Variants in L3MBTL1 observed in about 807,000 individuals in gnomAD.
L3MBTL1 encodes the protein lethal(3)malignant brain tumor-like protein 1.
L3MBTL1 carries 75 observed loss-of-function variants against 105.3 expected under a neutral mutation model. The ratio of observed to expected loss-of-function variants is 0.71; its 90% CI spans 0.59 to 0.86. The LOEUF (loss-of-function observed/expected upper bound fraction) is 0.86. L3MBTL1 is among the 40% of genes least tolerant of loss of function. L3MBTL1 has a pLI of 0.00. For missense variants in L3MBTL1, 1,069 were observed against 1,126.4 expected, an observed-to-expected ratio of 0.95 and a Z score of 0.73; for synonymous variants, 452 against 436.2, an observed-to-expected ratio of 1.04 and a Z score of -0.45.
Position 43,516,115 on chromosome 20 carries a change from A to G in L3MBTL1, c.800A>G (p.Asp267Gly), listed in dbSNP as rs1172908319. The G allele has an allele frequency of 1.9e-6, 3 of 1,613,938 alleles. No homozygotes were observed. The highest frequency in any genetic ancestry group is 8.5e-7 in the Non-Finnish European group (1 of 1,179,944). ...CAGGAGAAGCAAGAAGAAGGAAAGGACCCAGAGGGACAACCCACTGCTAGC... is the reference window on the plus strand; with the variant it reads ...CAGGAGAAGCAAGAAGAAGGAAAGGGCCCAGAGGGACAACCCACTGCTAGC... ...EAMEKQEEGK[D>G]PEGQPTASTP... Residue 267 changes from aspartate to glycine, a missense_variant, in exon 7 of 22, where the codon GAC becomes GGC. Asp to Gly is a moderately conservative substitution (Grantham distance 94). Coordinates refer to ENST00000418998, the MANE Select transcript of L3MBTL1 (RefSeq NM_001377303.1).
chr20:43,530,990 G>A (rs1185736544), intron 11 of L3MBTL1, 101 bp downstream of exon 11: 3 of 940,274 alleles, frequency 3.2e-6, no homozygotes, highest in South Asian at 1.7e-5. Flanking sequence ...TCATGTGCTG[G>A]TTCTCTCAGC....
Position 43,541,852 on chromosome 20 carries a change from G to T in L3MBTL1, c.*724G>T. On this transcript the variant is annotated 3_prime_UTR_variant, in exon 22 of 22. Coordinates refer to ENST00000418998, the MANE Select transcript of L3MBTL1 (RefSeq NM_001377303.1). ...TCCAATCACTTTACCTATACAAAAT[G>T]ACTGCTATGGTGGGAACACAATAAA... The T allele has an allele frequency of 2.0e-6, 2 of 985,304 alleles. No individual in the cohort carries two copies. The highest frequency in any genetic ancestry group is 2.4e-6 in the Non-Finnish European group (2 of 829,842). The allele number at this position is 985,304 out of a possible 1,614,324, so 61.0% of individuals were successfully genotyped here. A position where few individuals can be genotyped will look rare whatever the true frequency, so the allele number is the denominator to read the frequency against.
At chr20:43,545,564 C>T (rs1978540132), downstream of L3MBTL1, among the ~76,000 whole-genome samples, 1 of 152,150 alleles carries the variant, frequency 6.6e-6, no homozygotes, top group Non-Finnish European at 1.5e-5. Flanking sequence ...TCCAGTGCTT[C>T]CCCATCGAGG....
Position 43,534,875 on chromosome 20 carries a change from T to C in L3MBTL1, c.1758T>C (p.Ala586=), listed in dbSNP as rs1600948887. The C allele has an allele frequency of 6.2e-7, 1 of 1,610,738 alleles. No individual in the cohort carries two copies. Among genetic ancestry groups the C allele is most frequent in the Non-Finnish European group, 8.5e-7 (1 of 1,179,782 alleles). Residue 586 remains alanine, a synonymous_variant, in exon 16 of 22, where the codon GCT becomes GCC. Transcript: ENST00000418998. ...WSHGYDFWID[A]DHPDIHPAGW... ...ATGGCTATGATTTCTGGATCGACGC[T>C]GACCACCCAGACATCCACCCTGCCG...
rs186155978 is a variant in L3MBTL1 at position 43,527,538 on chromosome 20, A to G, written c.863-1119A>G. On this transcript the variant is annotated intron_variant, in intron 7 of 21. Coordinates refer to ENST00000418998, the MANE Select transcript of L3MBTL1 (RefSeq NM_001377303.1). ...AGGACCTGGGCTGTAGGTCCTGACC[A>G]TAGTGTATGTGTGTTAGTGTATGTG... Among the ~76,000 whole-genome samples the G allele has an allele frequency of 2.3e-3, 340 of 146,442 alleles. 1 individual carries two copies. Among genetic ancestry groups the G allele is most frequent in the Non-Finnish European group, 4.2e-3 (278 of 66,104 alleles).
chr20:43,526,534 C>T (rs1321362900), intron 7 of L3MBTL1, among the ~76,000 whole-genome samples: 1 of 152,158 alleles, frequency 6.6e-6, no homozygotes, highest in Non-Finnish European at 1.5e-5. Flanking sequence ...TTGGTTTCCG[C>T]GTAGGTCCTT....
chr20:43,515,054 C>T lies in L3MBTL1; in HGVS notation c.548C>T (p.Pro183Leu), dbSNP rs145308329. ...CCAGAAGATCCCAATCAGGACCCCC[C>T]AGAGGATGATAGCACCTGTCAGTGC... ...NPPEDPNQDP[P>L]EDDSTCQCQA... The change falls in exon 5 of 22, where the codon CCA (proline) becomes CTA (leucine). Residue 183 changes from proline to leucine, a missense_variant. Coordinates refer to ENST00000418998, the MANE Select transcript of L3MBTL1 (RefSeq NM_001377303.1). 1.1e-3 allele frequency: 1,704 copies of T among 1,614,014 alleles called. 3 individuals are homozygous for T. The highest frequency in any genetic ancestry group is 1.3e-3 in the Non-Finnish European group (1,549 of 1,179,966).
chr20:43,510,224 C>T (rs555609332), intron 1 of L3MBTL1, among the ~76,000 whole-genome samples: 355 of 151,780 alleles, frequency 2.3e-3, no homozygotes, highest in African/African-American at 7.4e-3. Context: ...GTCTCCAACT[C>T]CTGAGCTCAA....
At chr20:43,519,594 C>T (rs1427707098) in intron 7 of L3MBTL1, among the ~76,000 whole-genome samples, 1 of 152,198 alleles carries the variant, frequency 6.6e-6, no homozygotes, top group African/African-American at 2.4e-5. Context: ...TGAGATCGTG[C>T]CATTGCACTC....
Position 43,524,243 on chromosome 20 carries a change from C to A in L3MBTL1, c.863-4414C>A, listed in dbSNP as rs1356660620. ...ATTTTTAAATTTCATTAATTTTAGC[C>A]ATCCTCCTTTTCTAATATGTTTATT... is the stretch of plus-strand genomic sequence containing the variant. On this transcript the variant is annotated intron_variant, in intron 7 of 21. Coordinates refer to ENST00000418998, the MANE Select transcript of L3MBTL1 (RefSeq NM_001377303.1). Among the ~76,000 whole-genome samples the A allele has an allele frequency of 7.9e-5, 12 of 152,108 alleles. No homozygotes were observed. The East Asian group carries it at 2.3e-3, about 29-fold the overall frequency.
chr20:43,545,034 T>G (rs979780528), downstream of L3MBTL1, among the ~76,000 whole-genome samples: 1 of 151,418 alleles, frequency 6.6e-6, no homozygotes, highest in Non-Finnish European at 1.5e-5. Flanking sequence ...CTGCCAGGGG[T>G]TTCTTTCCTT....
chr20:43,524,062 A>C (rs573885854), intron 7 of L3MBTL1, among the ~76,000 whole-genome samples: 2 of 151,834 alleles, frequency 1.3e-5, no homozygotes, highest in South Asian at 4.2e-4. Context: ...CCTGGCCTTA[A>C]GCAATCCTCC....
At chr20:43,514,360 C>G in intron 3 of L3MBTL1, 1 of 1,311,870 alleles carries the variant, frequency 7.6e-7, no homozygotes, top group Non-Finnish European at 1.0e-6. Context: ...GGGGGCGTGG[C>G]TTAGAGTGGG....
At chr20:43,522,123 G>A (rs866759481) in intron 7 of L3MBTL1, among the ~76,000 whole-genome samples, 3 of 152,148 alleles carry the variant, frequency 2.0e-5, no homozygotes, top group East Asian at 1.9e-4. Context: ...TTGGGAGGCC[G>A]AGGCGGGTGG....
At chr20:43,536,565 A>G (rs1044114925) in intron 19 of L3MBTL1, 107 bp downstream of exon 19, 31 of 1,340,054 alleles carry the variant, frequency 2.3e-5, no homozygotes, top group Non-Finnish European at 3.0e-5. Flanking sequence ...AGAAGCTAGA[A>G]GGAGGGCTGT....
At chr20:43,545,433 C>T (rs1004011875), downstream of L3MBTL1, among the ~76,000 whole-genome samples, 6 of 151,922 alleles carry the variant, frequency 3.9e-5, no homozygotes, top group Non-Finnish European at 7.4e-5. Flanking sequence ...CTGGATGTTT[C>T]TGCACAGACA....
At chr20:43,509,815 C>T (rs1464695003) in intron 1 of L3MBTL1, among the ~76,000 whole-genome samples, 1 of 152,152 alleles carries the variant, frequency 6.6e-6, no homozygotes, top group African/African-American at 2.4e-5. Context: ...TCAGAAGTAA[C>T]CACATTCACT....
intron 19 of L3MBTL1, 120 bp from the exon 20 acceptor site, chr20:43,540,031 A>T: frequency 2.7e-6 from 3 of 1,124,000 alleles, no homozygotes; most frequent in Non-Finnish European, 3.9e-6. Flanking sequence ...GGCTGTCAGA[A>T]GGGGCCCGGA....
intron 7 of L3MBTL1, among the ~76,000 whole-genome samples, chr20:43,519,034 A>G (rs1393481562): frequency 1.3e-5 from 2 of 150,838 alleles, no homozygotes; most frequent in Non-Finnish European, 2.9e-5. Flanking sequence ...TCAGGGGGAA[A>G]AAAAAGAAAA....
Sources: gnomAD v4.1 joint callset for allele counts (sites outside exome capture counted in the v4.1 genomes callset) on GRCh38, gnomAD v4.1.1 for gene constraint, MANE v1.5 for transcripts, NCBI Gene and HGNC (gene_info 2026-07-23, HGNC 2026-07-21) for gene names.